The following NPAS3 variants were observed in gnomAD, a reference collection of about 807,000 sequenced individuals.
NPAS3 encodes the protein neuronal PAS domain protein 3, also known as neuronal PAS domain-containing protein 3.
NPAS3 carries 14 observed loss-of-function variants against 73.1 expected under a neutral mutation model. The ratio of observed to expected loss-of-function variants is 0.19; its 90% confidence interval spans 0.13 to 0.30. The LOEUF (loss-of-function observed/expected upper bound fraction) is 0.30. Ranked by LOEUF, NPAS3 falls within the 10% of genes least tolerant of loss-of-function variation. The pLI, the probability that NPAS3 is intolerant of heterozygous loss-of-function variation, is 1.00. For missense variants in NPAS3, 1,096 were observed against 1,250.0 expected (o/e 0.88, Z 1.86); for synonymous variants, 620 against 541.5 (o/e 1.14, Z -2.01).
rs140813096 is a variant in NPAS3, at chr14:33,511,870, G to A, written c.469-48251G>A. 4.9e-4 allele frequency among the ~76,000 whole-genome samples: 75 copies of A among 152,136 alleles called. 1 individual carries two copies. The highest frequency in any genetic ancestry group is 1.4e-3 in the African/African-American group (57 of 41,554). ...CTACTTCAGTGTGGCTCAAACATTA[G>A]CATGCATCAGAATCACCTTGGAGGC... On this transcript the variant is annotated intron_variant, in intron 4 of 11. Transcript: ENST00000356141.
chr14:33,091,706 G>A (rs140465995), intron 2 of NPAS3, among the ~76,000 whole-genome samples: 1,998 of 152,098 alleles, frequency 0.013, 24 homozygotes, highest in Non-Finnish European at 0.022. Context: ...GATGAACGTC[G>A]ATGCAAAAAT....
At chr14:32,965,583 C>A (rs2037118304) in intron 1 of NPAS3, among the ~76,000 whole-genome samples, 2 of 152,170 alleles carry the variant, frequency 1.3e-5, no homozygotes, top group Admixed American at 1.3e-4. Flanking sequence ...CCAGAAATGA[C>A]ATACCCACAG....
chr14:33,618,129 A>G (rs1412342396), intron 5 of NPAS3, among the ~76,000 whole-genome samples: 1 of 152,182 alleles, frequency 6.6e-6, no homozygotes, highest in Non-Finnish European at 1.5e-5. Context: ...CTTGTTCTGT[A>G]CATGTTTCAG....
chr14:33,657,981 T>C (rs1474261589), intron 5 of NPAS3, among the ~76,000 whole-genome samples: 1 of 152,156 alleles, frequency 6.6e-6, no homozygotes, highest in African/African-American at 2.4e-5. Context: ...ATCTTAGGTG[T>C]CGATTTTCTG....
At chr14:33,740,409 C>A (rs967425955) in intron 7 of NPAS3, among the ~76,000 whole-genome samples, 13 of 152,194 alleles carry the variant, frequency 8.5e-5, no homozygotes, top group Admixed American at 7.9e-4. Context: ...TCCCTCAGCA[C>A]CTAGCACAGT....
At chr14:33,680,533 C>T (rs2059904906) in intron 6 of NPAS3, 1 of 698,120 alleles carries the variant, frequency 1.4e-6, no homozygotes, top group African/African-American at 1.8e-5. Flanking sequence ...GATTGTAATG[C>T]ATATACTTCT....
At chr14:33,784,752 T>TTTTTTTA (rs1566538727) in intron 9 of NPAS3, among the ~76,000 whole-genome samples, 65 of 112,652 alleles carry the variant, frequency 5.8e-4, no homozygotes, top group Non-Finnish European at 9.5e-4. Flanking sequence ...TTTATTTTTT[T>TTTTTTTA]TTTTTTTTTT....
chr14:33,640,970 G>T (rs906929501), intron 5 of NPAS3, among the ~76,000 whole-genome samples: 34 of 152,206 alleles, frequency 2.2e-4, no homozygotes, highest in African/African-American at 8.2e-4. Context: ...TGCAAGGAAA[G>T]GTACCCAAGT....
intron 5 of NPAS3, among the ~76,000 whole-genome samples, chr14:33,567,833 G>C (rs1016411518): frequency 6.6e-6 from 1 of 152,192 alleles, no homozygotes; most frequent in Non-Finnish European, 1.5e-5. Context: ...CTGTGAAAGA[G>C]AATGAAAGAA....
At chr14:33,051,714 G>A (rs1029855953) in intron 1 of NPAS3, among the ~76,000 whole-genome samples, 2 of 152,180 alleles carry the variant, frequency 1.3e-5, no homozygotes, top group Admixed American at 1.3e-4. Flanking sequence ...AAAGTTATAC[G>A]TGAAATGGTT....
intron 6 of NPAS3, among the ~76,000 whole-genome samples, chr14:33,676,660 C>T (rs1478166309): frequency 6.6e-6 from 1 of 152,186 alleles, no homozygotes; most frequent in Non-Finnish European, 1.5e-5. Context: ...GAGGGAACAG[C>T]TTCCGATTTG....
chr14:33,665,306 G>C (rs367660831), intron 5 of NPAS3, among the ~76,000 whole-genome samples: 2 of 152,268 alleles, frequency 1.3e-5, no homozygotes, highest in Middle Eastern at 6.8e-3. Context: ...GGGGTCGGGG[G>C]CTAGGGGAGG....
intron 5 of NPAS3, among the ~76,000 whole-genome samples, chr14:33,630,847 A>G (rs1294704069): frequency 6.6e-6 from 1 of 152,234 alleles, no homozygotes; most frequent in African/African-American, 2.4e-5. Flanking sequence ...CAAACAAAGC[A>G]GAGATCAGCT....
intron 3 of NPAS3, among the ~76,000 whole-genome samples, chr14:33,250,625 C>G (rs1214354185): frequency 6.6e-6 from 1 of 152,062 alleles, no homozygotes; most frequent in Non-Finnish European, 1.5e-5. Context: ...GTGGAGGATC[C>G]ATCAGTTATA....
intron 1 of NPAS3, among the ~76,000 whole-genome samples, chr14:33,016,967 A>G (rs546105164): frequency 2.8e-4 from 43 of 152,310 alleles, no homozygotes; most frequent in African/African-American, 1.0e-3. Flanking sequence ...TTCTCTGTGA[A>G]TGATAATGGT....
intron 1 of NPAS3, among the ~76,000 whole-genome samples, chr14:32,943,774 C>A (rs1426874173): frequency 1.3e-5 from 2 of 150,028 alleles, no homozygotes; most frequent in Non-Finnish European, 2.9e-5. Flanking sequence ...CAGCTCACTG[C>A]AACCTCTGCC....
At chr14:33,331,832 G>A (rs1233426593) in intron 3 of NPAS3, among the ~76,000 whole-genome samples, 1 of 152,128 alleles carries the variant, frequency 6.6e-6, no homozygotes, top group Admixed American at 6.5e-5. Flanking sequence ...ATATTCTTAC[G>A]TAAGGCCCAG....
intron 1 of NPAS3, among the ~76,000 whole-genome samples, chr14:32,993,525 A>G (rs866865302): frequency 5.3e-5 from 8 of 152,196 alleles, no homozygotes; most frequent in South Asian, 4.1e-4. Flanking sequence ...CGCAAAGTGA[A>G]AAGAAGATTT....
At chr14:32,990,017 A>T (rs982860520) in intron 1 of NPAS3, among the ~76,000 whole-genome samples, 1 of 152,190 alleles carries the variant, frequency 6.6e-6, no homozygotes, top group African/African-American at 2.4e-5. Flanking sequence ...AGGGGTGAGG[A>T]TAAAGGAGGG....
Sources: gnomAD v4.1 joint callset for allele counts (sites outside exome capture counted in the v4.1 genomes callset) on GRCh38, gnomAD v4.1.1 for gene constraint, MANE v1.5 for transcripts, NCBI Gene and HGNC (gene_info 2026-07-23, HGNC 2026-07-21) for gene names.